The following FARS2 variants were observed in gnomAD, a reference collection of about 807,000 sequenced individuals.
FARS2 encodes phenylalanyl-tRNA synthetase 2, mitochondrial, also known as phenylalanine--tRNA ligase, mitochondrial.
In FARS2, 40 loss-of-function variants were observed where a neutral mutation model predicts 46.4. The ratio of observed to expected loss-of-function variants is 0.86; its 90% CI spans 0.67 to 1.12. FARS2 has a LOEUF of 1.12. FARS2 is among the 50% of genes most tolerant of loss of function. The pLI, the probability that FARS2 is intolerant of heterozygous loss-of-function variation, is 0.00. For synonymous variants in FARS2, 234 were observed against 214.9 expected (o/e 1.09, Z -0.78); for missense variants, 513 against 567.9 (o/e 0.90, Z 0.98).
At chr6:5,465,296 T>C (rs1765451561) in intron 4 of FARS2, among the ~76,000 whole-genome samples, 1 of 152,228 alleles carries the variant, frequency 6.6e-6, no homozygotes, top group African/African-American at 2.4e-5. Flanking sequence ...CCTACATCAT[T>C]TGAAAAAGTA....
intron 4 of FARS2, among the ~76,000 whole-genome samples, chr6:5,476,917 T>C (rs776217414): frequency 6.6e-6 from 1 of 152,124 alleles, no homozygotes; most frequent in African/African-American, 2.4e-5. Flanking sequence ...ATTTTGGAAG[T>C]GTAGGATATT....
intron 3 of FARS2, 29 bp downstream of exon 3, chr6:5,404,730 T>G (rs1296014719): frequency 6.8e-7 from 1 of 1,481,030 alleles, no homozygotes; most frequent in Admixed American, 2.1e-5. Flanking sequence ...GTTGACGATC[T>G]CTTATCTGAA....
At chr6:5,488,944 A>G (rs886693279) in intron 4 of FARS2, among the ~76,000 whole-genome samples, 10 of 152,192 alleles carry the variant, frequency 6.6e-5, no homozygotes, top group Admixed American at 5.9e-4. Flanking sequence ...TCCCAGGTAC[A>G]TTTCTAGGCA....
intron 1 of FARS2, among the ~76,000 whole-genome samples, chr6:5,303,516 C>G (rs755157522): frequency 1.1e-4 from 17 of 151,984 alleles, no homozygotes; most frequent in Non-Finnish European, 7.4e-5. Context: ...TGTGTCAGCT[C>G]GGGAGAGCCG....
At chr6:5,627,068 G>T (rs547679143) in intron 6 of FARS2, among the ~76,000 whole-genome samples, 1 of 152,346 alleles carries the variant, frequency 6.6e-6, no homozygotes, top group South Asian at 2.1e-4. Context: ...CACCACAAAT[G>T]CATGAGTAAT....
chr6:5,624,716 C>T (rs1446956081), intron 6 of FARS2, among the ~76,000 whole-genome samples: 1 of 152,118 alleles, frequency 6.6e-6, no homozygotes, highest in Non-Finnish European at 1.5e-5. Context: ...GTTCCCTGCC[C>T]CACCCCCTCA....
chr6:5,625,353 G>A (rs910523358), intron 6 of FARS2, among the ~76,000 whole-genome samples: 10 of 152,174 alleles, frequency 6.6e-5, no homozygotes, highest in Non-Finnish European at 1.3e-4. Context: ...AAGCAGGGCC[G>A]CGACTGACAC....
intron 3 of FARS2, among the ~76,000 whole-genome samples, chr6:5,427,962 G>C (rs148401137): frequency 1.3e-5 from 2 of 152,150 alleles, no homozygotes; most frequent in Admixed American, 6.5e-5. Flanking sequence ...GTGAAGGAAG[G>C]TTCCTGGAGA....
intron 1 of FARS2, among the ~76,000 whole-genome samples, chr6:5,300,503 G>A (rs1033971721): frequency 2.6e-5 from 4 of 152,046 alleles, no homozygotes; most frequent in African/African-American, 9.7e-5. Flanking sequence ...TGTGGGGACT[G>A]GGAATGTAGC....
Position 5,446,574 on chromosome 6 carries a change from G to C in FARS2, c.904+15402G>C, listed in dbSNP as rs576646923. On this transcript the variant is annotated intron_variant, in intron 4 of 6. Coordinates refer to ENST00000274680, the MANE Select transcript of FARS2 (RefSeq NM_006567.5). The stretch of plus-strand genomic sequence containing the variant: ...TAGAGGCTGATGGGTAAACTGCTCT[G>C]TCCAAGGTGCTATGGTAACAGTTGA... Among the ~76,000 whole-genome samples the C allele has an allele frequency of 2.6e-5, 4 of 152,264 alleles. No individual in the cohort carries two copies. The South Asian group carries it at 8.3e-4, about 32-fold the overall frequency.
chr6:5,685,523 G>A (rs1335357704), intron 6 of FARS2, among the ~76,000 whole-genome samples: 1 of 152,214 alleles, frequency 6.6e-6, no homozygotes, highest in Non-Finnish European at 1.5e-5. Flanking sequence ...TGACTGCAGT[G>A]AATGAGGGGT....
the FARS2 span, among the ~76,000 whole-genome samples, chr6:5,252,136 T>G: frequency 2.0e-5 from 3 of 152,246 alleles, no homozygotes; most frequent in African/African-American, 4.8e-5. Context: ...GGAGCCTGTT[T>G]AACCATTTCA....
intron 6 of FARS2, among the ~76,000 whole-genome samples, chr6:5,722,190 A>G (rs1343092869): frequency 1.3e-5 from 2 of 152,186 alleles, no homozygotes; most frequent in African/African-American, 2.4e-5. Context: ...AGTTTTATCT[A>G]CTGTTGCTTT....
intron 2 of FARS2, among the ~76,000 whole-genome samples, chr6:5,371,580 GAACAGTA>G (rs951196891): frequency 1.4e-3 from 208 of 152,222 alleles, no homozygotes; most frequent in Middle Eastern, 6.8e-3. Context: ...AAACTCTAGT[GAACAGTA>G]ATAAATTGGG....
chr6:5,564,880 C>T (rs377601258), intron 5 of FARS2, among the ~76,000 whole-genome samples: 4 of 152,104 alleles, frequency 2.6e-5, no homozygotes, highest in Non-Finnish European at 5.9e-5. Flanking sequence ...GAATCCTGTG[C>T]GGGGACTGTG....
chr6:5,467,845 A>T (rs1168705335), intron 4 of FARS2, among the ~76,000 whole-genome samples: 3 of 152,270 alleles, frequency 2.0e-5, no homozygotes, highest in Admixed American at 1.3e-4. Context: ...ATACATTTTG[A>T]TGATTATAGA....
intron 4 of FARS2, among the ~76,000 whole-genome samples, chr6:5,441,254 A>G (rs370067372): frequency 3.3e-4 from 51 of 152,304 alleles, no homozygotes; most frequent in Middle Eastern, 3.4e-3. Flanking sequence ...ACTAGAAAGG[A>G]TGCTAGAATA....
chr6:5,300,907 C>A (rs546974043), intron 1 of FARS2, among the ~76,000 whole-genome samples: 3 of 151,468 alleles, frequency 2.0e-5, no homozygotes, highest in Non-Finnish European at 4.4e-5. Flanking sequence ...TGGGGTCTTG[C>A]TGTGTTTTGT....
chr6:5,704,742 T>C (rs9378439), intron 6 of FARS2, among the ~76,000 whole-genome samples: 55,205 of 152,046 alleles, frequency 0.36, 10,569 homozygotes, highest in East Asian at 0.68. Context: ...CATGATTTTA[T>C]AAAAGCAGCC....
Sources: allele counts gnomAD v4.1 joint callset (sites outside exome capture counted in the v4.1 genomes callset), GRCh38; gene constraint gnomAD v4.1.1; transcripts MANE v1.5; gene names NCBI Gene and HGNC (gene_info 2026-07-23, HGNC 2026-07-21).